The following PACRG variants were observed in gnomAD, a reference collection of about 807,000 sequenced individuals.
PACRG encodes the protein parkin coregulated gene protein.
PACRG carries 29 observed loss-of-function variants against 29.7 expected under a neutral mutation model. The observed-to-expected ratio is 0.98, with a 90% CI of 0.73 to 1.33. The LOEUF is 1.33. Among genes scored for constraint, PACRG ranks in the 40% most tolerant of loss-of-function variants. PACRG has a pLI of 0.00. For missense variants in PACRG, 279 were observed against 316.2 expected, an observed-to-expected ratio of 0.88 and a Z score of 0.89; for synonymous variants, 116 against 118.7, an observed-to-expected ratio of 0.98 and a Z score of 0.15.
At chr6:162,730,777 A>T (rs1414057523) in intron 1 of PACRG, among the ~76,000 whole-genome samples, 1 of 152,228 alleles carries the variant, frequency 6.6e-6, no homozygotes, top group Non-Finnish European at 1.5e-5. Context: ...AACAAGCATC[A>T]CAAAAGCCCT....
At chr6:163,312,114 TTTATGC>T (rs1785444187) in intron 4 of PACRG, among the ~76,000 whole-genome samples, 1 of 152,024 alleles carries the variant, frequency 6.6e-6, no homozygotes, top group African/African-American at 2.4e-5. Flanking sequence ...CCTCCAGGGG[TTTATGC>T]AATGGGCTCT....
At chr6:162,770,114 A>G (rs1783103596) in intron 1 of PACRG, among the ~76,000 whole-genome samples, 1 of 152,170 alleles carries the variant, frequency 6.6e-6, no homozygotes, top group Admixed American at 6.5e-5. Context: ...TCCTACAGAT[A>G]GGTCCTAGAG....
chr6:163,314,926 A>T lies in PACRG; in HGVS notation c.713A>T (p.Glu238Val), dbSNP rs1354432234. The T allele has an allele frequency of 1.9e-6, 3 of 1,614,160 alleles. No homozygotes were observed. Reference sequence around the variant, plus strand: ...GAGGCCTTCGAGCGCTACGGAGGAGAAAATGCCTTTATCAACATTAAGTAC... The same window carrying T: ...GAGGCCTTCGAGCGCTACGGAGGAGTAAATGCCTTTATCAACATTAAGTAC... Reference protein sequence around the residue: ...TLEAFERYGGENAFINIKYVV... With the variant: ...TLEAFERYGGVNAFINIKYVV... The change falls in exon 5 of 5, where the codon GAA (glutamate) becomes GTA (valine). Residue 238 changes from glutamate (E) to valine (V), a missense_variant. Physicochemically the swap from Glu to Val is moderately radical, Grantham distance 121. Coordinates refer to ENST00000366888, the MANE Select transcript of PACRG (RefSeq NM_001080379.2).
chr6:162,949,524 A>G, intron 2 of PACRG, among the ~76,000 whole-genome samples: 1 of 152,224 alleles, frequency 6.6e-6, no homozygotes, highest in East Asian at 1.9e-4. Context: ...CTCTCAACTC[A>G]TAGAAATGAT....
intron 2 of PACRG, among the ~76,000 whole-genome samples, chr6:162,843,386 G>A (rs370250798): frequency 1.7e-5 from 2 of 115,610 alleles, no homozygotes; most frequent in African/African-American, 3.3e-5. Context: ...CTAGTTGATC[G>A]CATTGGCTCC....
intron 2 of PACRG, among the ~76,000 whole-genome samples, chr6:162,882,062 C>T (rs1433778395): frequency 7.6e-5 from 10 of 132,012 alleles, no homozygotes; most frequent in East Asian, 4.9e-4. Flanking sequence ...GACCCGGGGG[C>T]GCTCTCCACC....
chr6:162,906,753 A>C (rs894849598), intron 2 of PACRG, among the ~76,000 whole-genome samples: 4 of 152,208 alleles, frequency 2.6e-5, no homozygotes, highest in Non-Finnish European at 5.9e-5. Context: ...GGGAACTGAC[A>C]TATTGCTAAA....
intron 4 of PACRG, among the ~76,000 whole-genome samples, chr6:163,290,107 A>G (rs1784535876): frequency 6.6e-6 from 1 of 151,858 alleles, no homozygotes; most frequent in African/African-American, 2.4e-5. Context: ...TGATCTGCCC[A>G]CTTCGGCCTC....
intron 1 of PACRG, among the ~76,000 whole-genome samples, chr6:162,778,121 T>C (rs1783792367): frequency 1.3e-5 from 2 of 152,074 alleles, no homozygotes; most frequent in Admixed American, 6.5e-5. Context: ...TTTCGGTGTT[T>C]TGGGGGGAGG....
chr6:162,810,989 C>T (rs941658917), intron 1 of PACRG, among the ~76,000 whole-genome samples: 3 of 152,064 alleles, frequency 2.0e-5, no homozygotes, highest in African/African-American at 7.2e-5. Flanking sequence ...TGCAAAGGCA[C>T]ATCGTAATTA....
At position 163,261,171 on chromosome 6, in the gene PACRG, G is replaced by A. The variant is rs139014667; in HGVS notation, c.614-53656G>A. Among the ~76,000 whole-genome samples, 1,160 of 152,236 alleles carry A rather than the reference G, an allele frequency of 7.6e-3. 12 individuals carry two copies. Among genetic ancestry groups the A allele is most frequent in the African/African-American group, 0.026 (1,094 of 41,528 alleles). ...GGCTCCCCATGTTCCTGAGCCCGGAGCTGATCTCCGCCTCTTCTGCCCTCA... is the reference window on the plus strand; with the variant it reads ...GGCTCCCCATGTTCCTGAGCCCGGAACTGATCTCCGCCTCTTCTGCCCTCA... On this transcript the variant is annotated intron_variant, in intron 4 of 4. Coordinates refer to ENST00000366888, the MANE Select transcript of PACRG (RefSeq NM_001080379.2).
At chr6:163,286,219 T>TA (rs1184524843) in intron 4 of PACRG, among the ~76,000 whole-genome samples, 2 of 152,188 alleles carry the variant, frequency 1.3e-5, no homozygotes, top group Non-Finnish European at 2.9e-5. Flanking sequence ...TCACATCTGT[T>TA]ACAATTGGTA....
chr6:163,263,754 AT>A (rs1259335434), intron 4 of PACRG, among the ~76,000 whole-genome samples: 1 of 152,186 alleles, frequency 6.6e-6, no homozygotes, highest in East Asian at 1.9e-4. Flanking sequence ...TACTAATATG[AT>A]TATTGTTTCA....
chr6:162,747,378 ATG>A lies in PACRG; in HGVS notation c.156+18989_156+18990del, dbSNP rs1302321427. On this transcript the variant is annotated intron_variant, in intron 1 of 4. Transcript: ENST00000366888. ...TATATATATATACACATACATATAT[ATG>A]TATATATATGTATATATATATGTAT... Among the ~76,000 whole-genome samples, 124 of 69,454 alleles carry A rather than the reference ATG, an allele frequency of 1.8e-3. 11 individuals are homozygous for A. Among genetic ancestry groups the A allele is most frequent in the Non-Finnish European group, 2.5e-3 (94 of 37,066 alleles). 45.6% of individuals were successfully genotyped at this position (69,454 alleles called of 152,430 possible). A position where few individuals can be genotyped will look rare whatever the true frequency, so the allele number is the denominator to read the frequency against.
chr6:162,956,905 C>G (rs1800090429), intron 2 of PACRG, among the ~76,000 whole-genome samples: 1 of 152,116 alleles, frequency 6.6e-6, no homozygotes, highest in Non-Finnish European at 1.5e-5. Flanking sequence ...TATCAGTTTT[C>G]TGGGGTGTTC....
rs12660616 is a variant in PACRG, at chr6:162,853,529, G to C, written c.291+39248G>C. The stretch of plus-strand genomic sequence containing the variant: ...TATCACAGCCTTAATAAGACAGAAA[G>C]AAATATGCATACAAAGCTATACTAC... On this transcript the variant is annotated intron_variant, in intron 2 of 4. Transcript: ENST00000366888. The surrounding 1 kb of genome is among the most constrained non-coding windows in gnomAD (Gnocchi z 4.7). 6.6e-6 allele frequency among the ~76,000 whole-genome samples: 1 copy of C among 152,134 alleles called. No individual in the cohort carries two copies. Among genetic ancestry groups the C allele is most frequent in the East Asian group, 1.9e-4 (1 of 5,196 alleles).
intron 3 of PACRG, among the ~76,000 whole-genome samples, chr6:163,075,008 A>G (rs538181492): frequency 6.6e-6 from 1 of 152,170 alleles, no homozygotes; most frequent in South Asian, 2.1e-4. Context: ...GTATATATAT[A>G]TAACTAAATT....
Position 162,747,393 on chromosome 6 carries a change from T to TAC in PACRG, c.156+19003_156+19004insCA, listed in dbSNP as rs1781127611. On this transcript the variant is annotated intron_variant, in intron 1 of 4. Transcript: ENST00000366888. ...ATACATATATATGTATATATATGTATATATATATGTATATATATATATAAC... is the reference window on the plus strand; with the variant it reads ...ATACATATATATGTATATATATGTATACATATATATGTATATATATATATAAC... Among the ~76,000 whole-genome samples the TAC allele has an allele frequency of 1.9e-4, 7 of 36,996 alleles. 1 individual carries two copies. Among genetic ancestry groups the TAC allele is most frequent in the Middle Eastern group, 0.015 (1 of 66 alleles). The allele number at this position is 36,996 out of a possible 152,430, so 24.3% of individuals were successfully genotyped here. A position where few individuals can be genotyped will look rare whatever the true frequency, so the allele number is the denominator to read the frequency against.
At chr6:163,307,124 G>A (rs1051911410) in intron 4 of PACRG, among the ~76,000 whole-genome samples, 6 of 152,164 alleles carry the variant, frequency 3.9e-5, no homozygotes, top group Non-Finnish European at 7.3e-5. Flanking sequence ...GTTGGACAAC[G>A]ACAATTGTTT....
Sources: gnomAD v4.1 joint callset for allele counts (sites outside exome capture counted in the v4.1 genomes callset) on GRCh38, gnomAD v4.1.1 for gene constraint, Gnocchi (gnomAD v3.1) non-coding constraint, MANE v1.5 for transcripts, NCBI Gene and HGNC (gene_info 2026-07-23, HGNC 2026-07-21) for gene names.